The following PTCHD4 variants were observed in gnomAD, a reference collection of about 807,000 sequenced individuals.
PTCHD4 encodes patched domain-containing protein 4.
PTCHD4 carries 33 observed loss-of-function variants against 58.1 expected under a neutral mutation model. That is an observed-to-expected ratio of 0.57 (90% CI 0.43 to 0.76). The LOEUF (loss-of-function observed/expected upper bound fraction) is 0.76, where lower values mean the gene tolerates loss of function less well. Ranked by LOEUF, PTCHD4 falls within the 30% of genes least tolerant of loss-of-function variation. The pLI, the probability that PTCHD4 is intolerant of heterozygous loss-of-function variation, is 0.00. For synonymous variants in PTCHD4, 478 were observed against 409.6 expected, an observed-to-expected ratio of 1.17 and a Z score of -2.02; for missense variants, 1,058 against 1,027.1, an observed-to-expected ratio of 1.03 and a Z score of -0.41.
chr6:48,065,289 A>G (rs2113874554), intron 3 of PTCHD4, among the ~76,000 whole-genome samples: 1 of 152,306 alleles, frequency 6.6e-6, no homozygotes, highest in East Asian at 1.9e-4. Flanking sequence ...ACCGCTATTT[A>G]TTCTGCAATT....
chr6:47,925,098 T>G (rs1765560972), intron 4 of PTCHD4, among the ~76,000 whole-genome samples: 1 of 150,200 alleles, frequency 6.7e-6, no homozygotes. Flanking sequence ...ACCAGACATT[T>G]TATATATACA....
chr6:47,884,521 A>C (rs1764122480), intron 4 of PTCHD4, among the ~76,000 whole-genome samples: 1 of 152,212 alleles, frequency 6.6e-6, no homozygotes, highest in Admixed American at 6.5e-5. Context: ...GTGGCCCACC[A>C]ATTCAGGTGA....
At chr6:48,039,782 C>T (rs1014564063) in intron 3 of PTCHD4, among the ~76,000 whole-genome samples, 1 of 152,116 alleles carries the variant, frequency 6.6e-6, no homozygotes, top group African/African-American at 2.4e-5. Flanking sequence ...TTGAAGGTCT[C>T]TGTCCCCAAC....
intron 3 of PTCHD4, among the ~76,000 whole-genome samples, chr6:48,015,644 C>T (rs905074251): frequency 1.3e-5 from 2 of 152,002 alleles, no homozygotes; most frequent in Non-Finnish European, 2.9e-5. Flanking sequence ...AAGACCTAAA[C>T]CAGCCTTCCT....
At chr6:48,063,063 T>A (rs1764685426) in intron 3 of PTCHD4, among the ~76,000 whole-genome samples, 1 of 152,162 alleles carries the variant, frequency 6.6e-6, no homozygotes, top group Non-Finnish European at 1.5e-5. Flanking sequence ...GAGCATATTG[T>A]GCTATCCCAT....
rs765446024 is a variant in PTCHD4, at chr6:47,879,198, G to A, written c.1637C>T (p.Ser546Phe). The change falls in exon 5 of 5, where the codon TCC becomes TTC. Residue 546 changes from serine (S) to phenylalanine (F), a missense_variant. Coordinates refer to ENST00000339488, the MANE Select transcript of PTCHD4 (RefSeq NM_001384253.1). ...RRLCSGFTAV[S>F]WVEQYYQFLK... ...GAACTGGTAGTACTGCTCCACCCAG[G>A]ACACTGCAGTGAATCCACTACAGAG... 2 of 1,612,602 alleles carry A rather than the reference G, an allele frequency of 1.2e-6. No individual in the cohort carries two copies. The highest frequency in any genetic ancestry group is 1.7e-6 in the Non-Finnish European group (2 of 1,179,664).
chr6:48,059,742 T>C (rs1054833866), intron 3 of PTCHD4, among the ~76,000 whole-genome samples: 10 of 152,126 alleles, frequency 6.6e-5, no homozygotes, highest in African/African-American at 2.4e-4. Flanking sequence ...CTATGCTGAC[T>C]CTCAAGAAAT....
intron 4 of PTCHD4, chr6:47,901,768 T>C (rs536835426): frequency 8.1e-7 from 1 of 1,234,186 alleles, no homozygotes; most frequent in South Asian, 1.4e-5. Context: ...GTGGTGATGA[T>C]GATGATGATG....
intron 4 of PTCHD4, among the ~76,000 whole-genome samples, chr6:48,000,491 C>T (rs571789063): frequency 6.6e-6 from 1 of 152,196 alleles, no homozygotes; most frequent in South Asian, 2.1e-4. Context: ...TTCAAGTGGG[C>T]GTTTAGAGAT....
In PTCHD4 at chr6:48,008,548, A is replaced by G; in HGVS notation, c.898+86T>C. The G allele has an allele frequency of 2.8e-6, 4 of 1,445,680 alleles. No individual in the cohort carries two copies. In the South Asian group the frequency reaches 4.4e-5, roughly 16 times the overall value. 89.6% of individuals were successfully genotyped at this position (1,445,680 alleles called of 1,614,324 possible). ...CATAGACACCCCAATGCAAAATTAA[A>G]ACAGATTTCCACCTGAGAATTCAAG... On this transcript the variant is annotated intron_variant, in intron 4 of 4. Coordinates refer to ENST00000339488, the MANE Select transcript of PTCHD4 (RefSeq NM_001384253.1).
rs1254063055 is a variant in PTCHD4 at position 47,866,789 on chromosome 6, T to C, written c.*11514A>G. ...ATCAGTTAGGTTTATGCTTAAAAAC[T>C]AAGTGCATATGTACCTTATGTGATC... is the stretch of plus-strand genomic sequence containing the variant. On this transcript the variant is annotated 3_prime_UTR_variant, in exon 5 of 5. Transcript: ENST00000339488. 2.0e-5 allele frequency among the ~76,000 whole-genome samples: 3 copies of C among 151,838 alleles called. No homozygotes were observed. The East Asian group carries it at 5.8e-4, about 29-fold the overall frequency.
chr6:48,036,698 C>A (rs568412599), intron 3 of PTCHD4, among the ~76,000 whole-genome samples: 1 of 152,054 alleles, frequency 6.6e-6, no homozygotes, highest in Non-Finnish European at 1.5e-5. Context: ...CAAAAGGAAC[C>A]CACAAAGTGC....
At chr6:48,095,647 C>T (rs954739477) in intron 1 of PTCHD4, among the ~76,000 whole-genome samples, 4 of 151,576 alleles carry the variant, frequency 2.6e-5, no homozygotes, top group African/African-American at 9.7e-5. Flanking sequence ...CAAGATTGCG[C>T]CACTGCACTC....
In PTCHD4 at chr6:47,903,206, A is replaced by G. The variant is rs149803938; in HGVS notation, c.899-23270T>C. On this transcript the variant is annotated intron_variant, in intron 4 of 4. Transcript: ENST00000339488. ...AGCTTGACTAGTTTCTTGAATATTA[A>G]AAGAGAAAGAAAAGAAAAAACTACT... 9.3e-4 allele frequency among the ~76,000 whole-genome samples: 142 copies of G among 152,342 alleles called. 2 individuals carry two copies. The highest frequency in any genetic ancestry group is 6.8e-3 in the Middle Eastern group (2 of 294).
At chr6:47,951,668 C>T (rs1193112827) in intron 4 of PTCHD4, among the ~76,000 whole-genome samples, 1 of 152,110 alleles carries the variant, frequency 6.6e-6, no homozygotes, top group African/African-American at 2.4e-5. Context: ...ACCCTTCCTC[C>T]TCTATACAAA....
At position 48,068,718 on chromosome 6, in the gene PTCHD4, C is replaced by G; in HGVS notation, c.6-77G>C. On this transcript the variant is annotated intron_variant, in intron 2 of 4. Transcript: ENST00000339488. This position sits in a 1 kb window ranked among gnomAD's most constrained non-coding sequence, Gnocchi z 4.2. The stretch of plus-strand genomic sequence containing the variant: ...CATCCCACCCCCTGGGGCCAGTCCC[C>G]CCTCCCCACCGCCGCCGCCTCCCCA... 1 of 1,394,734 alleles carries G rather than the reference C, an allele frequency of 7.2e-7. No individual in the cohort carries two copies. Among genetic ancestry groups the G allele is most frequent in the South Asian group, 1.4e-5 (1 of 70,132 alleles). The allele number at this position is 1,394,734 out of a possible 1,614,324, so 86.4% of individuals were successfully genotyped here. A position where few individuals can be genotyped will look rare whatever the true frequency, so the allele number is the denominator to read the frequency against.
chr6:47,926,185 A>G (rs1056090934), intron 4 of PTCHD4, among the ~76,000 whole-genome samples: 1 of 152,178 alleles, frequency 6.6e-6, no homozygotes. Context: ...TGAGGAGCAA[A>G]GGTGAGTGCT....
chr6:48,100,176 A>G (rs1411173342), intron 1 of PTCHD4, among the ~76,000 whole-genome samples: 1 of 152,186 alleles, frequency 6.6e-6, no homozygotes, highest in Non-Finnish European at 1.5e-5. Context: ...AACAAGTTGA[A>G]GTTTCTGTTG....
chr6:47,964,832 C>A (rs567777708), intron 4 of PTCHD4, among the ~76,000 whole-genome samples: 2 of 152,046 alleles, frequency 1.3e-5, no homozygotes, highest in Non-Finnish European at 2.9e-5. Flanking sequence ...GCGGAAGATA[C>A]CCTACTACAG....
Sources: allele counts gnomAD v4.1 joint callset (sites outside exome capture counted in the v4.1 genomes callset), GRCh38; gene constraint gnomAD v4.1.1; non-coding constraint Gnocchi (gnomAD v3.1); transcripts MANE v1.5; gene names NCBI Gene and HGNC (gene_info 2026-07-23, HGNC 2026-07-21).